The following CDH2 variants were observed in gnomAD, a reference collection of about 807,000 sequenced individuals.
CDH2 encodes the protein cadherin 2.
CDH2 carries 17 observed loss-of-function variants against 92.0 expected under a neutral mutation model. That is an observed-to-expected ratio of 0.18 (90% CI 0.13 to 0.28). CDH2 has a LOEUF of 0.28. CDH2 is among the 10% of genes least tolerant of loss of function. The pLI, the probability that CDH2 is intolerant of heterozygous loss-of-function variation, is 1.00. For missense variants in CDH2, 862 were observed against 1,133.1 expected, an observed-to-expected ratio of 0.76 and a Z score of 3.44; for synonymous variants, 419 against 415.9, an observed-to-expected ratio of 1.01 and a Z score of -0.09.
chr18:27,991,527 G>C (rs2012415494), intron 9 of CDH2, among the ~76,000 whole-genome samples: 1 of 152,046 alleles, frequency 6.6e-6, no homozygotes, highest in South Asian at 2.1e-4. Flanking sequence ...TATGCTAAGG[G>C]GTATATGCAC....
intron 14 of CDH2, among the ~76,000 whole-genome samples, chr18:27,977,623 T>C (rs1046105643): frequency 6.6e-6 from 1 of 152,112 alleles, no homozygotes; most frequent in African/African-American, 2.4e-5. Context: ...TGGAGACTGC[T>C]GTACAGACCT....
chr18:27,962,070 T>C (rs922619496), intron 15 of CDH2, among the ~76,000 whole-genome samples: 2 of 152,200 alleles, frequency 1.3e-5, no homozygotes, highest in South Asian at 2.1e-4. Context: ...AACATGAAAT[T>C]AGAAATAAAA....
chr18:28,040,081 A>G (rs1053836920), intron 2 of CDH2, among the ~76,000 whole-genome samples: 3 of 152,300 alleles, frequency 2.0e-5, no homozygotes, highest in Middle Eastern at 3.4e-3. Flanking sequence ...TGACGAATGA[A>G]TAACTATTTG....
chr18:28,045,313 C>T (rs762031577), intron 2 of CDH2: 1 of 414,338 alleles, frequency 2.4e-6, no homozygotes. Context: ...ACCAAATTTA[C>T]CCTCCCAACA....
intron 14 of CDH2, among the ~76,000 whole-genome samples, chr18:27,966,603 T>C (rs2011539616): frequency 6.6e-6 from 1 of 152,188 alleles, no homozygotes; most frequent in Non-Finnish European, 1.5e-5. Flanking sequence ...TAACAAGATC[T>C]GGCAAAAGAG....
rs564608908 is a variant in CDH2, at chr18:27,976,503, G to A, written c.2349+6441C>T. On this transcript the variant is annotated intron_variant, in intron 14 of 15. Coordinates refer to ENST00000269141, the MANE Select transcript of CDH2 (RefSeq NM_001792.5). ...CATTCCAAAAGGCAGTATTTTAGTT[G>A]CCTGGTTGAACATGAGCTTTGTAAA... 3.3e-5 allele frequency among the ~76,000 whole-genome samples: 5 copies of A among 152,294 alleles called. No individual in the cohort carries two copies. In the South Asian group the frequency reaches 1.0e-3, roughly 32 times the overall value.
At chr18:28,120,142 C>A (rs1406568905) in intron 2 of CDH2, among the ~76,000 whole-genome samples, 3 of 151,942 alleles carry the variant, frequency 2.0e-5, no homozygotes, top group African/African-American at 7.2e-5. Context: ...ACCAAGTGAA[C>A]AAAAACCACT....
intron 2 of CDH2, among the ~76,000 whole-genome samples, chr18:28,025,524 A>AAATAAT (rs917493757): frequency 6.7e-6 from 1 of 150,006 alleles, no homozygotes; most frequent in Admixed American, 6.7e-5. Flanking sequence ...TCCAGAAAAA[A>AAATAAT]AATAATAATA....
rs1555630396 is a variant in CDH2, at chr18:27,985,134, T to C, written c.2075A>G (p.Asn692Ser). Residue 692 changes from asparagine (N) to serine (S), a missense_variant, in exon 13 of 16, where the codon AAT becomes AGT. Transcript: ENST00000269141. ...AACCTTCACACGCAGGATGGAAATATTTGATTTGGGAGGATTACCCGAATC... is the reference window on the plus strand; with the variant it reads ...AACCTTCACACGCAGGATGGAAATACTTGATTTGGGAGGATTACCCGAATC... ...ITDSGNPPKS[N>S]ISILRVKVCQ... 6.2e-7 allele frequency: 1 copy of C among 1,613,818 alleles called. No homozygotes were observed. The highest frequency in any genetic ancestry group is 1.1e-5 in the South Asian group (1 of 91,072).
intron 1 of CDH2, 25 bp from the exon 2 acceptor site, chr18:28,147,809 A>C (rs2016061100): frequency 2.3e-6 from 3 of 1,293,546 alleles, no homozygotes; most frequent in Admixed American, 1.9e-5. Context: ...AAAAAAAAAA[A>C]ATGTGTGCAA....
chr18:27,976,024 G>C (rs1482605940), intron 14 of CDH2, among the ~76,000 whole-genome samples: 1 of 152,136 alleles, frequency 6.6e-6, no homozygotes, highest in Non-Finnish European at 1.5e-5. Context: ...ATCGGGGGCA[G>C]GGCAGGCCAT....
intron 2 of CDH2, among the ~76,000 whole-genome samples, chr18:28,035,789 G>T (rs1255286967): frequency 2.6e-5 from 4 of 151,958 alleles, no homozygotes; most frequent in Non-Finnish European, 5.9e-5. Context: ...TCCATTCCAT[G>T]CCTGAATATG....
rs549689600 is a variant in CDH2 at position 28,165,836 on chromosome 18, C to T, written c.60+11127G>A. Among the ~76,000 whole-genome samples, 13 of 151,234 alleles carry T rather than the reference C, an allele frequency of 8.6e-5. No individual in the cohort carries two copies. The East Asian group carries it at 2.1e-3, about 25-fold the overall frequency. On this transcript the variant is annotated intron_variant, in intron 1 of 15. Coordinates refer to ENST00000269141, the MANE Select transcript of CDH2 (RefSeq NM_001792.5). ...AGAAAGAAAAAGATTTAGAAATCTACAGAAATGATGTACTTGATAAAAGAA... is the reference window on the plus strand; with the variant it reads ...AGAAAGAAAAAGATTTAGAAATCTATAGAAATGATGTACTTGATAAAAGAA...
intron 2 of CDH2, among the ~76,000 whole-genome samples, chr18:28,081,716 G>A (rs1343488399): frequency 6.6e-6 from 1 of 152,170 alleles, no homozygotes; most frequent in Non-Finnish European, 1.5e-5. Flanking sequence ...TAATGATGAT[G>A]TTGCATTTAT....
chr18:28,053,934 G>A (rs1443098649), intron 2 of CDH2, among the ~76,000 whole-genome samples: 1 of 151,960 alleles, frequency 6.6e-6, no homozygotes, highest in East Asian at 1.9e-4. Flanking sequence ...GTTGGACTCT[G>A]CTCTTTTTGC....
chr18:28,015,665 C>T (rs1222788423), intron 2 of CDH2, among the ~76,000 whole-genome samples: 2 of 152,086 alleles, frequency 1.3e-5, no homozygotes, highest in Non-Finnish European at 2.9e-5. Context: ...CTCTTCTGCA[C>T]ACTTTTTTGT....
chr18:28,168,317 T>G (rs1056903863), intron 1 of CDH2, among the ~76,000 whole-genome samples: 1 of 152,162 alleles, frequency 6.6e-6, no homozygotes, highest in Non-Finnish European at 1.5e-5. Context: ...TTGTCTGCAG[T>G]GGGTCATTTC....
intron 2 of CDH2, among the ~76,000 whole-genome samples, chr18:28,064,439 T>C (rs1382864660): frequency 1.3e-5 from 2 of 152,124 alleles, no homozygotes; most frequent in Admixed American, 6.5e-5. Context: ...CATCCTCTTT[T>C]CTTTCACTGG....
At chr18:27,984,371 T>A (rs2012156887) in intron 13 of CDH2, among the ~76,000 whole-genome samples, 1 of 152,204 alleles carries the variant, frequency 6.6e-6, no homozygotes, top group South Asian at 2.1e-4. Flanking sequence ...AGTGGTTAAT[T>A]TTTTGCATTC....
Sources: allele counts gnomAD v4.1 joint callset (sites outside exome capture counted in the v4.1 genomes callset), GRCh38; gene constraint gnomAD v4.1.1; transcripts MANE v1.5; gene names NCBI Gene and HGNC (gene_info 2026-07-23, HGNC 2026-07-21).